Variants in RPS6KA2 observed in about 807,000 individuals in gnomAD.
RPS6KA2 encodes the protein ribosomal protein S6 kinase alpha-2.
RPS6KA2 carries 42 observed loss-of-function variants against 91.8 expected under a neutral mutation model. The observed-to-expected ratio is 0.46, with a 90% CI of 0.36 to 0.59. The LOEUF (loss-of-function observed/expected upper bound fraction) is 0.59. Ranked by LOEUF, RPS6KA2 falls within the 20% of genes least tolerant of loss-of-function variation. The pLI is 0.00. For synonymous variants in RPS6KA2, 414 were observed against 393.6 expected, an observed-to-expected ratio of 1.05 and a Z score of -0.61; for missense variants, 798 against 978.5, an observed-to-expected ratio of 0.82 and a Z score of 2.46.
At chr6:166,502,163 T>C (rs1782050970) in intron 6 of RPS6KA2, among the ~76,000 whole-genome samples, 1 of 152,154 alleles carries the variant, frequency 6.6e-6, no homozygotes, top group South Asian at 2.1e-4. Context: ...GGAACGTGCT[T>C]AATGCCACTG....
chr6:166,503,218 T>A (rs776246502), intron 6 of RPS6KA2, among the ~76,000 whole-genome samples: 15 of 152,330 alleles, frequency 9.8e-5, no homozygotes, highest in Non-Finnish European at 1.9e-4. Flanking sequence ...TCCAGCTGTA[T>A]TTACACACGT....
chr6:166,675,537 G>A (rs76091023), intron 2 of RPS6KA2, among the ~76,000 whole-genome samples: 2,536 of 152,112 alleles, frequency 0.017, 67 homozygotes, highest in African/African-American at 0.055. Context: ...CCAGCGCGAC[G>A]TGCTCCTGAG....
intron 3 of RPS6KA2, among the ~76,000 whole-genome samples, chr6:166,512,883 TTTTTC>T (rs757025104): frequency 6.6e-6 from 1 of 152,118 alleles, no homozygotes; most frequent in Non-Finnish European, 1.5e-5. Flanking sequence ...CCTTTTTTTC[TTTTTC>T]TTTTTTTCTG....
chr6:166,411,906 A>G lies in RPS6KA2; in HGVS notation c.*856T>C, dbSNP rs907668167. 5 of 152,302 alleles carry G rather than the reference A, an allele frequency of 3.3e-5. No homozygotes were observed. Among genetic ancestry groups the G allele is most frequent in the African/African-American group, 1.2e-4 (5 of 41,460 alleles). The allele number at this position is 152,302 out of a possible 1,614,324, so 9.4% of individuals were successfully genotyped here. Reference sequence around the variant, plus strand: ...CACACAGGAAGCCGACACAGGGCTGAGCAGGTGCGAGAACCCACGACTCCC... The same window carrying G: ...CACACAGGAAGCCGACACAGGGCTGGGCAGGTGCGAGAACCCACGACTCCC... On this transcript the variant is annotated 3_prime_UTR_variant, in exon 21 of 21. Coordinates refer to ENST00000265678, the MANE Select transcript of RPS6KA2 (RefSeq NM_021135.6). This position sits in a 1 kb window ranked among gnomAD's most constrained non-coding sequence, Gnocchi z 4.5.
chr6:166,687,133 T>G (rs1583020677), intron 2 of RPS6KA2, among the ~76,000 whole-genome samples: 1 of 152,172 alleles, frequency 6.6e-6, no homozygotes, highest in Admixed American at 6.5e-5. Flanking sequence ...CCCCAGCAAC[T>G]GCCTCCACGG....
At chr6:166,765,972 T>A (rs1778301229) in intron 2 of RPS6KA2, among the ~76,000 whole-genome samples, 1 of 152,222 alleles carries the variant, frequency 6.6e-6, no homozygotes, top group African/African-American at 2.4e-5. Context: ...CGCTTTCTAG[T>A]TCACTGAAGG....
chr6:166,571,743 C>T (rs1244867552), intron 1 of RPS6KA2, among the ~76,000 whole-genome samples: 2 of 151,664 alleles, frequency 1.3e-5, no homozygotes, highest in African/African-American at 4.9e-5. Flanking sequence ...ACATTTGCCA[C>T]GTTGAGCGTG....
At chr6:166,426,853 G>A (rs1250855100) in intron 16 of RPS6KA2, among the ~76,000 whole-genome samples, 1 of 143,236 alleles carries the variant, frequency 7.0e-6, no homozygotes, top group Non-Finnish European at 1.5e-5. Flanking sequence ...TGGATTCACA[G>A]CCGAATTCTA....
chr6:166,797,567 A>C (rs1273723386), intron 2 of RPS6KA2, among the ~76,000 whole-genome samples: 1 of 152,206 alleles, frequency 6.6e-6, no homozygotes, highest in African/African-American at 2.4e-5. Context: ...TAAGAAAGTT[A>C]TAAGGAAGAG....
At chr6:166,534,414 A>G (rs1047672761) in intron 2 of RPS6KA2, among the ~76,000 whole-genome samples, 6 of 152,094 alleles carry the variant, frequency 3.9e-5, no homozygotes, top group Non-Finnish European at 8.8e-5. Context: ...AGCAAGGTAC[A>G]TGACGGATTT....
At chr6:166,709,831 CTCTGTG>C (rs2128579647) in intron 2 of RPS6KA2, among the ~76,000 whole-genome samples, 1 of 152,272 alleles carries the variant, frequency 6.6e-6, no homozygotes, top group East Asian at 1.9e-4. Context: ...ACACTTCAGT[CTCTGTG>C]TCTGAAGTGT....
rs537247039 is a variant in RPS6KA2, at chr6:166,744,378, G to A, written c.123+113822C>T. Among the ~76,000 whole-genome samples, 7 of 152,352 alleles carry A rather than the reference G, an allele frequency of 4.6e-5. No homozygotes were observed. In the South Asian group the frequency reaches 8.3e-4, roughly 18 times the overall value. On this transcript the variant is annotated intron_variant, in intron 2 of 21. Coordinates refer to the RPS6KA2 transcript ENST00000503859. ...TGGCCTCGCCGCAGACCTGAGACGC[G>A]GCCCCGGGCCCGGGGAGTCGGAGGG...
At position 166,669,318 on chromosome 6, in the gene RPS6KA2, A is replaced by G. The variant is rs188199311; in HGVS notation, c.124-130534T>C. Among the ~76,000 whole-genome samples, 504 of 152,292 alleles carry G rather than the reference A, an allele frequency of 3.3e-3. 5 individuals carry two copies. Among genetic ancestry groups the G allele is most frequent in the African/African-American group, 0.011 (478 of 41,568 alleles). On this transcript the variant is annotated intron_variant, in intron 2 of 21. Coordinates refer to the RPS6KA2 transcript ENST00000503859. ...CCTCTATTCACAGGGTGCATGGGGC[A>G]GTGGACATGGAACATGGACGAGGCT... is the stretch of plus-strand genomic sequence containing the variant.
chr6:166,844,763 T>C (rs1406711823), intron 2 of RPS6KA2, among the ~76,000 whole-genome samples: 1 of 152,214 alleles, frequency 6.6e-6, no homozygotes, highest in African/African-American at 2.4e-5. Flanking sequence ...CGAGAACTGC[T>C]AGAAGGAGCC....
In RPS6KA2 at chr6:166,797,342, T is replaced by C. The variant is rs561597823; in HGVS notation, c.123+60858A>G. Among the ~76,000 whole-genome samples the C allele has an allele frequency of 1.5e-4, 23 of 151,808 alleles. No homozygotes were observed. In the South Asian group the frequency reaches 4.6e-3, roughly 30 times the overall value. On this transcript the variant is annotated intron_variant, in intron 2 of 21. Transcript: ENST00000503859. ...TTTTTAGAATCAGTGGCATGACATA[T>C]AGTTGATCCTTGAACAGTGCAAGAG...
chr6:166,604,961 T>C (rs770617863), intron 1 of RPS6KA2, among the ~76,000 whole-genome samples: 8 of 152,188 alleles, frequency 5.3e-5, no homozygotes, highest in Non-Finnish European at 1.0e-4. Flanking sequence ...TTGATATCTA[T>C]AAGTCTCTAA....
Position 166,423,311 on chromosome 6 carries a change from G to C in RPS6KA2, c.1688C>G (p.Ala563Gly), listed in dbSNP as rs538021247. 1 of 1,614,038 alleles carries C rather than the reference G, an allele frequency of 6.2e-7. No homozygotes were observed. The highest frequency in any genetic ancestry group is 8.5e-7 in the Non-Finnish European group (1 of 1,179,972). ...CDFGFAKQLRAGNGLLMTPCY... is the reference protein window; with the variant it reads ...CDFGFAKQLRGGNGLLMTPCY... ...GGGTGTCATGAGCAGCCCGTTCCCC[G>C]CGCGCAGCTGCTTGGCAAAGCCGAA... The change falls in exon 17 of 21, where the codon GCG becomes GGG. Residue 563 changes from alanine (A) to glycine (G), a missense_variant. Ala to Gly is a moderately conservative substitution (Grantham distance 60). Coordinates refer to ENST00000265678, the MANE Select transcript of RPS6KA2 (RefSeq NM_021135.6). This position sits in a 1 kb window ranked among gnomAD's most constrained non-coding sequence, Gnocchi z 4.8.
intron 4 of RPS6KA2, among the ~76,000 whole-genome samples, chr6:166,509,923 T>C (rs1464187402): frequency 6.6e-6 from 1 of 152,220 alleles, no homozygotes; most frequent in African/African-American, 2.4e-5. Flanking sequence ...AAAGAAATTA[T>C]TGGGTCATAG....
intron 2 of RPS6KA2, among the ~76,000 whole-genome samples, chr6:166,823,602 C>A (rs1185487638): frequency 2.6e-5 from 4 of 152,064 alleles, no homozygotes; most frequent in African/African-American, 4.8e-5. Context: ...TAAAGTGGAA[C>A]AAAATTTTCT....
Sources: gnomAD v4.1 joint callset for allele counts (sites outside exome capture counted in the v4.1 genomes callset) on GRCh38, gnomAD v4.1.1 for gene constraint, Gnocchi (gnomAD v3.1) non-coding constraint, MANE v1.5 for transcripts, NCBI Gene and HGNC (gene_info 2026-07-23, HGNC 2026-07-21) for gene names.